SPAG16: variants seen among roughly 807,000 people sequenced by gnomAD.
SPAG16 encodes the protein sperm associated antigen 16.
A neutral mutation model predicts 80.4 loss-of-function variants in SPAG16; 86 were observed. The ratio of observed to expected loss-of-function variants is 1.07; its 90% CI spans 0.90 to 1.28. The LOEUF (loss-of-function observed/expected upper bound fraction) is 1.28. SPAG16 is among the 50% of genes most tolerant of loss of function. SPAG16 has a pLI of 0.00. For synonymous variants in SPAG16, 294 were observed against 265.9 expected, an observed-to-expected ratio of 1.11 and a Z score of -1.03; for missense variants, 870 against 765.3, an observed-to-expected ratio of 1.14 and a Z score of -1.61.
At chr2:213,323,114 C>T (rs1483669544) in intron 5 of SPAG16, among the ~76,000 whole-genome samples, 2 of 152,154 alleles carry the variant, frequency 1.3e-5, no homozygotes, top group Admixed American at 1.3e-4. Context: ...GAGAAATCAC[C>T]TCATACTTTT....
chr2:213,681,733 A>G (rs1417785114), intron 10 of SPAG16, among the ~76,000 whole-genome samples: 1 of 152,166 alleles, frequency 6.6e-6, no homozygotes, highest in Non-Finnish European at 1.5e-5. Context: ...ATGCATAGCA[A>G]AATACCCCAG....
intron 10 of SPAG16, among the ~76,000 whole-genome samples, chr2:213,851,330 T>C (rs1333204216): frequency 2.0e-5 from 3 of 152,008 alleles, no homozygotes; most frequent in Non-Finnish European, 4.4e-5. Flanking sequence ...ACCAACATGA[T>C]GAAACCCCAT....
intron 1 of SPAG16, among the ~76,000 whole-genome samples, chr2:213,288,193 C>T (rs900716155): frequency 3.9e-5 from 6 of 152,220 alleles, no homozygotes; most frequent in African/African-American, 1.4e-4. Context: ...GCTGGGATTA[C>T]AGACATGAGC....
intron 15 of SPAG16, among the ~76,000 whole-genome samples, chr2:214,174,010 T>C (rs2056979697): frequency 6.6e-6 from 1 of 151,950 alleles, no homozygotes; most frequent in Admixed American, 6.6e-5. Flanking sequence ...AAAAGGCCTT[T>C]GACAAAATTC....
chr2:214,031,632 A>AG (rs1197241412), intron 13 of SPAG16, among the ~76,000 whole-genome samples: 3 of 144,512 alleles, frequency 2.1e-5, no homozygotes, highest in Admixed American at 2.1e-4. Context: ...AAACATGAAA[A>AG]AAAAAAGAAA....
rs116519420 is a variant in SPAG16, at chr2:213,764,539, A to C, written c.1071-97946A>C. Among the ~76,000 whole-genome samples, 734 of 152,298 alleles carry C rather than the reference A, an allele frequency of 4.8e-3. 9 individuals are homozygous for C. Among genetic ancestry groups the C allele is most frequent in the African/African-American group, 0.017 (705 of 41,580 alleles). On this transcript the variant is annotated intron_variant, in intron 10 of 15. Transcript: ENST00000331683. ...ACATATTTTTTTTAAACTCTCTGAA[A>C]AATAGAGAATCTAGAAAAGAAATAA...
At chr2:213,461,734 G>A (rs770769349) in intron 9 of SPAG16, among the ~76,000 whole-genome samples, 10 of 152,184 alleles carry the variant, frequency 6.6e-5, no homozygotes, top group Non-Finnish European at 1.3e-4. Context: ...GTGTTAGGCA[G>A]TGGAACATCC....
At chr2:214,299,180 A>G (rs766390670) in intron 15 of SPAG16, among the ~76,000 whole-genome samples, 6 of 151,774 alleles carry the variant, frequency 4.0e-5, no homozygotes, top group Non-Finnish European at 8.8e-5. Context: ...AATAAATTGT[A>G]GACAAATAGT....
chr2:213,907,926 A>C (rs1182166898), intron 11 of SPAG16, among the ~76,000 whole-genome samples: 1 of 152,182 alleles, frequency 6.6e-6, no homozygotes, highest in East Asian at 1.9e-4. Flanking sequence ...AAGAGGAATA[A>C]GTTCTTGTGC....
intron 10 of SPAG16, among the ~76,000 whole-genome samples, chr2:213,565,776 A>T (rs1476543173): frequency 1.3e-5 from 2 of 152,248 alleles, no homozygotes; most frequent in African/African-American, 4.8e-5. Context: ...ATGGAAGACC[A>T]GTTTTGAATA....
chr2:213,748,647 G>T (rs531682488), intron 10 of SPAG16, among the ~76,000 whole-genome samples: 99 of 152,064 alleles, frequency 6.5e-4, no homozygotes, highest in Middle Eastern at 3.4e-3. Flanking sequence ...TAAGCGTAAG[G>T]ACTATTATAC....
chr2:213,905,430 A>G (rs947791035), intron 11 of SPAG16, among the ~76,000 whole-genome samples: 3 of 152,246 alleles, frequency 2.0e-5, no homozygotes, highest in African/African-American at 7.2e-5. Flanking sequence ...GGCAAATGGC[A>G]CATACAATCC....
intron 10 of SPAG16, among the ~76,000 whole-genome samples, chr2:213,727,006 T>C (rs1323423707): frequency 6.6e-6 from 1 of 152,226 alleles, no homozygotes; most frequent in African/African-American, 2.4e-5. Flanking sequence ...ATGCATTCAA[T>C]CTTGATATGA....
chr2:213,333,531 T>C (rs1387113197), intron 5 of SPAG16, among the ~76,000 whole-genome samples: 1 of 151,924 alleles, frequency 6.6e-6, no homozygotes, highest in Admixed American at 6.6e-5. Flanking sequence ...TCACAAAAGA[T>C]CCAGAATAGG....
chr2:213,723,799 C>T (rs1033733560), intron 10 of SPAG16, among the ~76,000 whole-genome samples: 2 of 152,142 alleles, frequency 1.3e-5, no homozygotes, highest in African/African-American at 4.8e-5. Context: ...CACAGACTCT[C>T]GGTTTGTATA....
intron 13 of SPAG16, among the ~76,000 whole-genome samples, chr2:214,026,195 C>T (rs1189063869): frequency 6.6e-6 from 1 of 151,410 alleles, no homozygotes; most frequent in Non-Finnish European, 1.5e-5. Flanking sequence ...ATAATTTCTA[C>T]TTTTGCAATA....
chr2:213,756,977 A>G (rs1011305163), intron 10 of SPAG16, among the ~76,000 whole-genome samples: 44 of 152,346 alleles, frequency 2.9e-4, no homozygotes, highest in Middle Eastern at 3.4e-3. Flanking sequence ...GGAATGTAAA[A>G]AATCCTAAAT....
At chr2:213,431,228 G>GAA (rs899972719) in intron 9 of SPAG16, among the ~76,000 whole-genome samples, 1 of 151,158 alleles carries the variant, frequency 6.6e-6, no homozygotes, top group Non-Finnish European at 1.5e-5. Context: ...AAACGGAGGG[G>GAA]AAAAAAAAGA....
intron 13 of SPAG16, among the ~76,000 whole-genome samples, chr2:214,045,101 G>C (rs73987140): frequency 2.6e-5 from 4 of 152,050 alleles, no homozygotes; most frequent in Non-Finnish European, 4.4e-5. Context: ...CCCAGCCCCA[G>C]GCTGCACAGC....
Sources: allele counts gnomAD v4.1 joint callset (sites outside exome capture counted in the v4.1 genomes callset), GRCh38; gene constraint gnomAD v4.1.1; transcripts MANE v1.5; gene names NCBI Gene and HGNC (gene_info 2026-07-23, HGNC 2026-07-21).